Variants in MAOB observed in about 807,000 individuals in gnomAD.
MAOB encodes the protein monoamine oxidase B.
MAOB carries 15 observed loss-of-function variants against 41.9 expected under a neutral mutation model. That is an observed-to-expected ratio of 0.36 (90% CI 0.24 to 0.55). MAOB has a LOEUF of 0.55. Ranked by LOEUF, MAOB falls within the 20% of genes least tolerant of loss-of-function variation. The pLI is 0.86. For synonymous variants in MAOB, 167 were observed against 144.2 expected (o/e 1.16, Z -1.13); for missense variants, 345 against 398.7 (o/e 0.87, Z 1.15).
chrX:43,835,270 G>A (rs2035059778), intron 3 of MAOB, among the ~76,000 whole-genome samples: 1 of 111,739 alleles, frequency 8.9e-6, no homozygotes, highest in African/African-American at 3.2e-5. Context: ...ATTTTTTCAA[G>A]TTACTTCCAA....
chrX:43,840,055 A>G (rs762997429), intron 2 of MAOB, among the ~76,000 whole-genome samples: 1 of 112,333 alleles, frequency 8.9e-6, no homozygotes, highest in Non-Finnish European at 1.9e-5. Context: ...TTGCCATACG[A>G]CAAAGGTAAA....
intron 1 of MAOB, among the ~76,000 whole-genome samples, chrX:43,866,375 A>T (rs752598235): frequency 8.9e-6 from 1 of 112,360 alleles, no homozygotes; most frequent in Admixed American, 9.4e-5. Context: ...CTTTTTCCCA[A>T]TTCACAAGTT....
chrX:43,857,846 G>A (rs1456018457), intron 1 of MAOB, among the ~76,000 whole-genome samples: 1 of 111,905 alleles, frequency 8.9e-6, no homozygotes, highest in African/African-American at 3.3e-5. Context: ...AGTGTGAGAT[G>A]GGCAAGTGTA....
chrX:43,877,497 A>G (rs2035447346), intron 1 of MAOB, among the ~76,000 whole-genome samples: 1 of 111,897 alleles, frequency 8.9e-6, no homozygotes, highest in Non-Finnish European at 1.9e-5. Flanking sequence ...TTGTCATTCT[A>G]ATCAAGCTCC....
intron 3 of MAOB, among the ~76,000 whole-genome samples, chrX:43,819,490 C>A (rs763129528): frequency 4.5e-5 from 5 of 111,526 alleles, no homozygotes; most frequent in African/African-American, 1.6e-4. Context: ...TTCCTCTGGC[C>A]ACCCCTGCCT....
chrX:43,817,244 G>A (rs1476656194), intron 3 of MAOB, among the ~76,000 whole-genome samples: 1 of 109,379 alleles, frequency 9.1e-6, no homozygotes, highest in Non-Finnish European at 1.9e-5. Context: ...TTTTCTGTAT[G>A]CCTCATCCCC....
intron 1 of MAOB, among the ~76,000 whole-genome samples, chrX:43,872,915 G>T (rs2035417130): frequency 8.9e-6 from 1 of 111,824 alleles, no homozygotes; most frequent in Admixed American, 9.5e-5. Context: ...CACAACAAAT[G>T]TTTATTATTT....
chrX:43,799,952 T>C (rs1335248223), intron 5 of MAOB, among the ~76,000 whole-genome samples: 3 of 111,707 alleles, frequency 2.7e-5, no homozygotes, highest in Admixed American at 1.9e-4. Context: ...GTGCACTTTG[T>C]AAATGATAAT....
intron 3 of MAOB, among the ~76,000 whole-genome samples, chrX:43,818,876 C>T (rs752789101): frequency 8.9e-6 from 1 of 112,275 alleles, no homozygotes; most frequent in South Asian, 3.7e-4. Flanking sequence ...CAGAGATTTA[C>T]GGCATCATAA....
At chrX:43,809,532 G>C (rs1333685232) in intron 3 of MAOB, among the ~76,000 whole-genome samples, 1 of 112,337 alleles carries the variant, frequency 8.9e-6, no homozygotes, top group Non-Finnish European at 1.9e-5. Flanking sequence ...GAAAACTTCT[G>C]ATAAACACAG....
At chrX:43,841,729 G>A (rs779138489) in intron 2 of MAOB, among the ~76,000 whole-genome samples, 14 of 111,750 alleles carry the variant, frequency 1.3e-4, no homozygotes, top group African/African-American at 4.5e-4. Context: ...CAATAGAACA[G>A]GATAGAAAGC....
intron 5 of MAOB, among the ~76,000 whole-genome samples, chrX:43,798,337 T>C (rs763750254): frequency 8.9e-6 from 1 of 112,377 alleles, no homozygotes; most frequent in Admixed American, 9.4e-5. Context: ...ATGAGAAATA[T>C]CAGTTAAACA....
intron 1 of MAOB, among the ~76,000 whole-genome samples, chrX:43,857,926 G>T: frequency 9.0e-6 from 1 of 111,687 alleles, no homozygotes; most frequent in South Asian, 3.8e-4. Flanking sequence ...TAAAACACTG[G>T]CGAGCCAGCC....
chrX:43,814,153 G>A (rs1163341932), intron 3 of MAOB, among the ~76,000 whole-genome samples: 2 of 110,629 alleles, frequency 1.8e-5, no homozygotes, highest in African/African-American at 6.6e-5. Flanking sequence ...ACCAGAAGGG[G>A]GCAGCCTTGT....
At chrX:43,862,993 T>C (rs1166919738) in intron 1 of MAOB, among the ~76,000 whole-genome samples, 1 of 111,994 alleles carries the variant, frequency 8.9e-6, no homozygotes, top group African/African-American at 3.2e-5. Flanking sequence ...ACATTCACTC[T>C]CAATTTGAAA....
At chrX:43,870,385 T>C (rs2035393944) in intron 1 of MAOB, among the ~76,000 whole-genome samples, 1 of 110,261 alleles carries the variant, frequency 9.1e-6, no homozygotes, top group African/African-American at 3.4e-5. Context: ...AGCATAGTGA[T>C]CAACCTCTAC....
intron 3 of MAOB, among the ~76,000 whole-genome samples, chrX:43,811,831 G>A (rs2034750952): frequency 8.9e-6 from 1 of 111,860 alleles, no homozygotes; most frequent in African/African-American, 3.3e-5. Context: ...TATCCTTTGT[G>A]TCACAAACAA....
intron 1 of MAOB, among the ~76,000 whole-genome samples, chrX:43,857,274 G>A (rs903062915): frequency 1.3e-4 from 13 of 103,963 alleles, no homozygotes; most frequent in African/African-American, 4.2e-4. Context: ...TCTACCTCCC[G>A]GGTTCAAGCC....
At chrX:43,837,208 T>C (rs1279022446) in intron 3 of MAOB, among the ~76,000 whole-genome samples, 1 of 112,210 alleles carries the variant, frequency 8.9e-6, no homozygotes, top group Non-Finnish European at 1.9e-5. Flanking sequence ...AAAATCTACA[T>C]TTAAAAAAAC....
Sources: allele counts gnomAD v4.1 joint callset (sites outside exome capture counted in the v4.1 genomes callset), GRCh38; gene constraint gnomAD v4.1.1; transcripts MANE v1.5; gene names NCBI Gene and HGNC (gene_info 2026-07-23, HGNC 2026-07-21).